RB1: variants seen among roughly 807,000 people sequenced by gnomAD.
RB1 encodes retinoblastoma-associated protein.
Under a neutral mutation model 135.4 loss-of-function variants are expected in RB1, and 18 were observed. That is an observed-to-expected ratio of 0.13 (90% CI 0.09 to 0.20). The LOEUF (loss-of-function observed/expected upper bound fraction) is 0.20. Ranked by LOEUF, RB1 falls within the 10% of genes least tolerant of loss-of-function variation. The probability of loss-of-function intolerance (pLI) is 1.00; values close to 1 mark genes in which losing one functional copy is unlikely to be tolerated. For missense variants in RB1, 868 were observed against 1,110.0 expected (o/e 0.78, Z 3.10); for synonymous variants, 365 against 373.2 (o/e 0.98, Z 0.25).
rs1446461456 is a variant in RB1, at chr13:48,481,261, C to A, written c.*1190C>A. The A allele has an allele frequency of 4.3e-6, 1 of 231,828 alleles. No individual in the cohort carries two copies. Among genetic ancestry groups the A allele is most frequent in the South Asian group, 1.8e-4 (1 of 5,510 alleles). The allele number at this position is 231,828 out of a possible 1,614,324, so 14.4% of individuals were successfully genotyped here. ...TCCAAAATTACAAGTAATCAAGGGT[C>A]ATTATGGGTTAGGCATTAATGTTTC... On this transcript the variant is annotated 3_prime_UTR_variant, in exon 27 of 27. Coordinates refer to ENST00000267163, the MANE Select transcript of RB1 (RefSeq NM_000321.3).
At chr13:48,387,426 A>C (rs1219091568) in intron 17 of RB1, among the ~76,000 whole-genome samples, 1 of 152,168 alleles carries the variant, frequency 6.6e-6, no homozygotes, top group Non-Finnish European at 1.5e-5. Context: ...CATGATGTTG[A>C]AAGAAGCCAG....
chr13:48,473,845 T>C (rs1294017353), intron 24 of RB1, among the ~76,000 whole-genome samples: 1 of 152,146 alleles, frequency 6.6e-6, no homozygotes, highest in Non-Finnish European at 1.5e-5. Flanking sequence ...ATGGTCTCAC[T>C]GCAGACACCA....
In RB1 at chr13:48,304,066, G is replaced by A. The variant is rs1293021818; in HGVS notation, c.137+17G>A. 16 of 1,407,754 alleles carry A rather than the reference G, an allele frequency of 1.1e-5. No homozygotes were observed. The highest frequency in any genetic ancestry group is 1.5e-5 in the South Asian group (1 of 65,804). 87.2% of individuals were successfully genotyped at this position (1,407,754 alleles called of 1,614,324 possible). On this transcript the variant is annotated intron_variant, in intron 1 of 26. Coordinates refer to ENST00000267163, the MANE Select transcript of RB1 (RefSeq NM_000321.3). ...TCTCGTCAGGTGAGCGAGCAGAGCC[G>A]CCGTCGCCTCACGCGGGAAGGGCGC...
chr13:48,448,522 G>A (rs1173460438), intron 17 of RB1, among the ~76,000 whole-genome samples: 1 of 152,048 alleles, frequency 6.6e-6, no homozygotes, highest in Non-Finnish European at 1.5e-5. Context: ...AACTGAAAAA[G>A]GGCTGAAAAT....
intron 6 of RB1, among the ~76,000 whole-genome samples, chr13:48,355,252 CA>C (rs1471718698): frequency 6.6e-6 from 1 of 151,966 alleles, no homozygotes; most frequent in African/African-American, 2.4e-5. Context: ...AAAAAATTGG[CA>C]AAAGAGTTGA....
intron 17 of RB1, chr13:48,439,894 C>T (rs1949219820): frequency 6.6e-6 from 1 of 152,038 alleles, no homozygotes; most frequent in African/African-American, 2.4e-5. Flanking sequence ...AAATTTATAT[C>T]AGAATTAGAA....
At position 48,463,630 on chromosome 13, in the gene RB1, A is replaced by T. The variant is rs1257127337; in HGVS notation, c.2107-101A>T. Reference sequence around the variant, plus strand: ...ATGGAAAGAAATAACTCTGTAGATTAAACCTTTCTTTTTTGAGGCTAAAAG... The same window carrying T: ...ATGGAAAGAAATAACTCTGTAGATTTAACCTTTCTTTTTTGAGGCTAAAAG... On this transcript the variant is annotated intron_variant, in intron 20 of 26. Transcript: ENST00000267163. The T allele has an allele frequency of 1.3e-5, 10 of 792,840 alleles. No homozygotes were observed. The Admixed American group carries it at 1.5e-4, about 12-fold the overall frequency. The allele number at this position is 792,840 out of a possible 1,614,324, so 49.1% of individuals were successfully genotyped here.
At chr13:48,409,183 C>G (rs1375168609) in intron 17 of RB1, among the ~76,000 whole-genome samples, 1 of 132,816 alleles carries the variant, frequency 7.5e-6, no homozygotes, top group East Asian at 2.2e-4. Flanking sequence ...GGATCTTGCT[C>G]TGTTGTCCAT....
chr13:48,385,424 G>A (rs888802354), intron 17 of RB1, among the ~76,000 whole-genome samples: 5 of 152,200 alleles, frequency 3.3e-5, no homozygotes, highest in African/African-American at 1.2e-4. Context: ...AGTTGAGAAA[G>A]AGAAGAGGGG....
At chr13:48,445,578 T>C (rs947281031) in intron 17 of RB1, among the ~76,000 whole-genome samples, 1 of 152,048 alleles carries the variant, frequency 6.6e-6, no homozygotes, top group East Asian at 1.9e-4. Context: ...ACAGCCTCCT[T>C]CTCACATTTC....
chr13:48,340,035 G>A (rs945264416), intron 2 of RB1, among the ~76,000 whole-genome samples: 2 of 152,124 alleles, frequency 1.3e-5, no homozygotes, highest in East Asian at 3.8e-4. Context: ...TTCTACAGAG[G>A]TGCGAAGGTA....
At position 48,436,072 on chromosome 13, in the gene RB1, G is replaced by A. The variant is rs190705370; in HGVS notation, c.1696-16921G>A. On this transcript the variant is annotated intron_variant, in intron 17 of 26. Coordinates refer to ENST00000267163, the MANE Select transcript of RB1 (RefSeq NM_000321.3). The stretch of plus-strand genomic sequence containing the variant: ...GGATGAATGAAAAGATTAGGTCCTG[G>A]ATGGAACTGAGGTTAACTGAGGATA... Among the ~76,000 whole-genome samples, 127 of 152,298 alleles carry A rather than the reference G, an allele frequency of 8.3e-4. 1 individual carries two copies. Among genetic ancestry groups the A allele is most frequent in the Admixed American group, 3.9e-3 (59 of 15,294 alleles).
intron 3 of RB1, among the ~76,000 whole-genome samples, chr13:48,344,631 G>C (rs891593942): frequency 6.6e-6 from 1 of 152,096 alleles, no homozygotes; most frequent in Non-Finnish European, 1.5e-5. Flanking sequence ...GATAGAAAAT[G>C]GTTACTTACA....
chr13:48,455,511 A>G (rs963398297), intron 18 of RB1, among the ~76,000 whole-genome samples: 2 of 152,232 alleles, frequency 1.3e-5, no homozygotes, highest in Non-Finnish European at 2.9e-5. Context: ...TGTTGTAGAA[A>G]CATCCATAGT....
chr13:48,351,767 G>A (rs1373340935), intron 6 of RB1, among the ~76,000 whole-genome samples: 11 of 151,716 alleles, frequency 7.3e-5, no homozygotes, highest in African/African-American at 1.2e-4. Flanking sequence ...TCTGCCTCCC[G>A]GGTTTAAGTG....
chr13:48,463,582 T>A, intron 20 of RB1, 149 bp from the exon 21 acceptor site: 1 of 625,770 alleles, frequency 1.6e-6, no homozygotes, highest in Non-Finnish European at 2.9e-6. Flanking sequence ...ACACTTCATG[T>A]AGACTTTCAA....
chr13:48,461,659 C>CT (rs201332288), intron 20 of RB1, among the ~76,000 whole-genome samples: 2,013 of 148,188 alleles, frequency 0.014, 48 homozygotes, highest in African/African-American at 0.042. Context: ...ACTTTTTTAT[C>CT]TTTTTTTTTT....
chr13:48,441,872 A>T (rs1238165133), intron 17 of RB1, among the ~76,000 whole-genome samples: 7 of 152,144 alleles, frequency 4.6e-5, no homozygotes, highest in Non-Finnish European at 8.8e-5. Context: ...TTTAATTTTG[A>T]TCATTTAATT....
At chr13:48,476,906 C>G (rs572456282) in intron 25 of RB1, 63 bp downstream of exon 25, 6 of 1,580,086 alleles carry the variant, frequency 3.8e-6, no homozygotes, top group Non-Finnish European at 5.2e-6. Context: ...TCCAGAGTCT[C>G]AGCACTGCTC....
Sources: allele counts gnomAD v4.1 joint callset (sites outside exome capture counted in the v4.1 genomes callset), GRCh38; gene constraint gnomAD v4.1.1; transcripts MANE v1.5; gene names NCBI Gene and HGNC (gene_info 2026-07-23, HGNC 2026-07-21).